The following CHRM2 variants were observed in gnomAD, a reference collection of about 807,000 sequenced individuals.
CHRM2 encodes cholinergic receptor muscarinic 2, also known as muscarinic acetylcholine receptor M2.
In CHRM2, 8 loss-of-function variants were observed where a neutral mutation model predicts 25.0. The observed-to-expected ratio is 0.32, with a 90% CI of 0.19 to 0.58. The LOEUF (loss-of-function observed/expected upper bound fraction) is 0.58, where lower values mean the gene tolerates loss of function less well. Ranked by LOEUF, CHRM2 falls within the 20% of genes least tolerant of loss-of-function variation. The pLI, the probability that CHRM2 is intolerant of heterozygous loss-of-function variation, is 0.88. For synonymous variants in CHRM2, 202 were observed against 205.7 expected (o/e 0.98, Z 0.15); for missense variants, 440 against 567.1 (o/e 0.78, Z 2.28).
chr7:136,931,926 T>C (rs929381508), intron 2 of CHRM2, among the ~76,000 whole-genome samples: 8 of 152,214 alleles, frequency 5.3e-5, no homozygotes, highest in African/African-American at 1.9e-4. Context: ...CACAAGGAAC[T>C]TTCAGTTATA....
At chr7:136,987,018 T>C (rs1802903005) in intron 2 of CHRM2, among the ~76,000 whole-genome samples, 1 of 152,208 alleles carries the variant, frequency 6.6e-6, no homozygotes, top group Admixed American at 6.5e-5. Flanking sequence ...AGGCAAAACC[T>C]GAACGAACCA....
At chr7:136,875,441 CCCCAGGTTAAATCTGTTCCCTCAG>C (rs1796016372) in intron 2 of CHRM2, among the ~76,000 whole-genome samples, 1 of 152,074 alleles carries the variant, frequency 6.6e-6, no homozygotes, top group African/African-American at 2.4e-5. Flanking sequence ...TCTGATCAGA[CCCCAGGTTAAATCTGTTCCCTCAG>C]AGGCTTCCCT....
chr7:136,943,716 G>GGATCATGTTTCAAATTGATA, intron 2 of CHRM2, among the ~76,000 whole-genome samples: 1 of 151,740 alleles, frequency 6.6e-6, no homozygotes, highest in Admixed American at 6.6e-5. Flanking sequence ...GTTTTTCAAG[G>GGATCATGTTTCAAATTGATA]CAGTATCAAT....
rs184252437 is a variant in CHRM2 at position 136,984,418 on chromosome 7, T to C, written c.-124-7769T>C. 3.6e-4 allele frequency among the ~76,000 whole-genome samples: 55 copies of C among 152,152 alleles called. No individual in the cohort carries two copies. The East Asian group carries it at 0.01, about 29-fold the overall frequency. ...TACTGAGCAAGACCACTTGGCTCCC[T>C]GGCTTCAGCCCCCATTCCAGGGAAG... On this transcript the variant is annotated intron_variant, in intron 2 of 3. Transcript: ENST00000680005.
At chr7:137,004,801 A>C (rs1036549695) in intron 3 of CHRM2, among the ~76,000 whole-genome samples, 2 of 152,230 alleles carry the variant, frequency 1.3e-5, no homozygotes. Context: ...AATTGCCATT[A>C]GATCATTTAG....
In CHRM2 at chr7:136,924,439, C is replaced by G. The variant is rs556849155; in HGVS notation, c.-125+55021C>G. 2.0e-5 allele frequency among the ~76,000 whole-genome samples: 3 copies of G among 149,128 alleles called. 1 individual carries two copies. The East Asian group carries it at 6.1e-4, about 30-fold the overall frequency. Reference sequence around the variant, plus strand: ...AAGTGTTCTCATTGTTCAATTCCCACCTATGAGTGAGAACATGCGTTGTTT... The same window carrying G: ...AAGTGTTCTCATTGTTCAATTCCCAGCTATGAGTGAGAACATGCGTTGTTT... On this transcript the variant is annotated intron_variant, in intron 2 of 3. Transcript: ENST00000680005.
chr7:136,878,327 G>A (rs372967463), intron 2 of CHRM2, among the ~76,000 whole-genome samples: 37 of 151,820 alleles, frequency 2.4e-4, no homozygotes, highest in African/African-American at 8.0e-4. Flanking sequence ...TTATGTCTTC[G>A]CATGTAAGCC....
intron 2 of CHRM2, among the ~76,000 whole-genome samples, chr7:136,893,746 T>A (rs1234861876): frequency 6.6e-6 from 1 of 152,190 alleles, no homozygotes; most frequent in Non-Finnish European, 1.5e-5. Flanking sequence ...AGTGTTATTA[T>A]GCTGATATAC....
chr7:136,999,387 T>C, intron 3 of CHRM2, among the ~76,000 whole-genome samples: 1 of 152,144 alleles, frequency 6.6e-6, no homozygotes, highest in East Asian at 1.9e-4. Flanking sequence ...TAAAATAAAA[T>C]ATATTTTACT....
chr7:137,002,320 T>C (rs972042033), intron 3 of CHRM2, among the ~76,000 whole-genome samples: 4 of 152,222 alleles, frequency 2.6e-5, no homozygotes, highest in African/African-American at 9.6e-5. Flanking sequence ...AGCACTCAAA[T>C]TTGACATATG....
At chr7:136,917,611 G>A (rs765491431) in intron 2 of CHRM2, among the ~76,000 whole-genome samples, 7 of 151,982 alleles carry the variant, frequency 4.6e-5, no homozygotes, top group South Asian at 2.1e-4. Flanking sequence ...GATGGATGCC[G>A]GATTGCTGCC....
intron 2 of CHRM2, chr7:136,903,274 C>G (rs1288509925): frequency 1.9e-6 from 1 of 533,070 alleles, no homozygotes; most frequent in Non-Finnish European, 3.9e-6. Flanking sequence ...TTGAGCTGTT[C>G]ACAAGCAGCG....
At chr7:136,976,238 T>C (rs960492324) in intron 2 of CHRM2, among the ~76,000 whole-genome samples, 3 of 152,146 alleles carry the variant, frequency 2.0e-5, no homozygotes, top group African/African-American at 7.2e-5. Context: ...TTGCATGACA[T>C]AGAAGACTTC....
rs188570169 is a variant in CHRM2 at position 136,999,406 on chromosome 7, T to A, written c.-47+7142T>A. Among the ~76,000 whole-genome samples, 9 of 152,266 alleles carry A rather than the reference T, an allele frequency of 5.9e-5. No homozygotes were observed. In the South Asian group the frequency reaches 6.2e-4, roughly 11 times the overall value. ...ATAAAATATATTTTACTTCTTTTTT[T>A]AATTATACTTTAAGTTTTAGGGTAC... On this transcript the variant is annotated intron_variant, in intron 3 of 3. Transcript: ENST00000680005.
intron 2 of CHRM2, among the ~76,000 whole-genome samples, chr7:136,955,935 TG>T (rs965781598): frequency 3.3e-5 from 5 of 152,152 alleles, no homozygotes; most frequent in Non-Finnish European, 5.9e-5. Context: ...GAGGGTTTTT[TG>T]TTTATTTTTA....
chr7:136,925,333 G>A (rs1798681569), intron 2 of CHRM2, among the ~76,000 whole-genome samples: 1 of 151,880 alleles, frequency 6.6e-6, no homozygotes, highest in Admixed American at 6.6e-5. Context: ...TCTAGGTACT[G>A]GTCAAATTCA....
intron 2 of CHRM2, among the ~76,000 whole-genome samples, chr7:136,974,823 A>G (rs189349600): frequency 6.6e-6 from 1 of 152,308 alleles, no homozygotes; most frequent in East Asian, 1.9e-4. Context: ...GTCAGAGTAC[A>G]AGATAAATGT....
intron 2 of CHRM2, among the ~76,000 whole-genome samples, chr7:136,877,416 T>C (rs941331001): frequency 6.6e-6 from 1 of 152,072 alleles, no homozygotes; most frequent in Non-Finnish European, 1.5e-5. Context: ...CTTTTCTATT[T>C]CTTATTTTTT....
chr7:136,924,564 T>C (rs1467170679), intron 2 of CHRM2, among the ~76,000 whole-genome samples: 1 of 152,184 alleles, frequency 6.6e-6, no homozygotes, highest in African/African-American at 2.4e-5. Flanking sequence ...ACCCCGCTGA[T>C]ACTTTGCCCA....
Sources: gnomAD v4.1 joint callset for allele counts (sites outside exome capture counted in the v4.1 genomes callset) on GRCh38, gnomAD v4.1.1 for gene constraint, MANE v1.5 for transcripts, NCBI Gene and HGNC (gene_info 2026-07-23, HGNC 2026-07-21) for gene names.